The following AKT3 variants were observed in gnomAD, a reference collection of about 807,000 sequenced individuals.
AKT3 encodes the protein AKT serine/threonine kinase 3.
A neutral mutation model predicts 65.3 loss-of-function variants in AKT3; 15 were observed. The ratio of observed to expected loss-of-function variants is 0.23; its 90% CI spans 0.15 to 0.35. The LOEUF (loss-of-function observed/expected upper bound fraction) is 0.35. AKT3 is among the 10% of genes least tolerant of loss of function. The pLI, the probability that AKT3 is intolerant of heterozygous loss-of-function variation, is 1.00. For synonymous variants in AKT3, 206 were observed against 183.8 expected, an observed-to-expected ratio of 1.12 and a Z score of -0.98; for missense variants, 243 against 576.5, an observed-to-expected ratio of 0.42 and a Z score of 5.92.
chr1:243,504,987 T>C lies in AKT3; in HGVS notation c.*262A>G, dbSNP rs1669574625. The C allele has an allele frequency of 2.4e-6, 1 of 420,306 alleles. No individual in the cohort carries two copies. The highest frequency in any genetic ancestry group is 4.2e-6 in the Non-Finnish European group (1 of 237,922). 26.0% of individuals were successfully genotyped at this position (420,306 alleles called of 1,614,324 possible). On this transcript the variant is annotated 3_prime_UTR_variant, in exon 14 of 14. Transcript: ENST00000673466. ...AAGGTTGGAAAATTACTTCTTAAAG[T>C]TGCTATAATAGTAAGACAGTAGCAG...
intron 3 of AKT3, among the ~76,000 whole-genome samples, chr1:243,685,685 A>G (rs1684239778): frequency 6.6e-6 from 1 of 152,068 alleles, no homozygotes; most frequent in Non-Finnish European, 1.5e-5. Flanking sequence ...ATTCCCTTTG[A>G]AAACCAGCAC....
chr1:243,693,248 A>ATT lies in AKT3; in HGVS notation c.172+2342_172+2343insAA, dbSNP rs1293348634. ...CCCTTTGGTAGCTACAATTTGATAT[A>ATT]TATATATATATATATATATATATAT... On this transcript the variant is annotated intron_variant, in intron 3 of 13. Coordinates refer to ENST00000673466, the MANE Select transcript of AKT3 (RefSeq NM_005465.7). 1.9e-4 allele frequency among the ~76,000 whole-genome samples: 6 copies of ATT among 31,422 alleles called. 2 individuals carry two copies. Among genetic ancestry groups the ATT allele is most frequent in the East Asian group, 2.8e-3 (2 of 726 alleles). The allele number at this position is 31,422 out of a possible 152,430, so 20.6% of individuals were successfully genotyped here. A position where few individuals can be genotyped will look rare whatever the true frequency, so the allele number is the denominator to read the frequency against.
chr1:243,690,300 T>C (rs1054920187), intron 3 of AKT3, among the ~76,000 whole-genome samples: 1 of 152,196 alleles, frequency 6.6e-6, no homozygotes, highest in African/African-American at 2.4e-5. Context: ...GAGAGGTTCA[T>C]ACAAATTGTC....
At chr1:243,571,722 G>A (rs957486313) in intron 9 of AKT3, among the ~76,000 whole-genome samples, 1 of 152,134 alleles carries the variant, frequency 6.6e-6, no homozygotes, top group Non-Finnish European at 1.5e-5. Flanking sequence ...GACAGTATAG[G>A]ATTATCTGGC....
chr1:243,784,502 G>A (rs1176672801), intron 2 of AKT3, among the ~76,000 whole-genome samples: 1 of 151,368 alleles, frequency 6.6e-6, no homozygotes, highest in East Asian at 1.9e-4. Flanking sequence ...GAATAAGAAA[G>A]GAAACGACAT....
intron 2 of AKT3, among the ~76,000 whole-genome samples, chr1:243,742,934 C>T (rs1216240497): frequency 2.0e-5 from 3 of 151,808 alleles, no homozygotes; most frequent in Admixed American, 2.0e-4. Context: ...ACAACAAACA[C>T]TAGCTTATTA....
chr1:243,645,406 T>C (rs1680732030), intron 5 of AKT3, among the ~76,000 whole-genome samples: 1 of 152,200 alleles, frequency 6.6e-6, no homozygotes, highest in Non-Finnish European at 1.5e-5. Context: ...ATTTCCCTAC[T>C]GACTCAGAAG....
At chr1:243,615,188 A>C (rs1182058996) in intron 6 of AKT3, 27 bp from the exon 7 acceptor site, 4 of 1,556,914 alleles carry the variant, frequency 2.6e-6, no homozygotes, top group East Asian at 2.2e-5. Flanking sequence ...GCAAACCTTC[A>C]ATATATGTTT....
chr1:243,736,641 C>CATTCTA (rs1687857123), intron 2 of AKT3, among the ~76,000 whole-genome samples: 1 of 152,080 alleles, frequency 6.6e-6, no homozygotes, highest in Non-Finnish European at 1.5e-5. Flanking sequence ...TATTATACAG[C>CATTCTA]AATCTTAAAG....
At chr1:243,800,716 C>T (rs1323516227) in intron 2 of AKT3, among the ~76,000 whole-genome samples, 1 of 147,864 alleles carries the variant, frequency 6.8e-6, no homozygotes, top group African/African-American at 2.5e-5. Flanking sequence ...GACTCAGTCT[C>T]GAGGAAAAAA....
At chr1:243,766,494 G>C (rs1689833488) in intron 2 of AKT3, among the ~76,000 whole-genome samples, 1 of 152,186 alleles carries the variant, frequency 6.6e-6, no homozygotes, top group Admixed American at 6.6e-5. Flanking sequence ...ACCTTAGGTA[G>C]ATATTGCAGT....
chr1:243,731,479 C>T (rs1445517872), intron 2 of AKT3, among the ~76,000 whole-genome samples: 4 of 152,166 alleles, frequency 2.6e-5, no homozygotes, highest in East Asian at 1.9e-4. Context: ...GCGTCCTCTA[C>T]ACACATAGTG....
At chr1:243,805,967 C>T (rs1010155120) in intron 2 of AKT3, among the ~76,000 whole-genome samples, 2 of 152,106 alleles carry the variant, frequency 1.3e-5, no homozygotes, top group Non-Finnish European at 2.9e-5. Flanking sequence ...GGACTACTCC[C>T]AAATTTTCTG....
Position 243,501,511 on chromosome 1 carries a change from G to A in AKT3, c.*3738C>T, listed in dbSNP as rs189486611. On this transcript the variant is annotated 3_prime_UTR_variant, in exon 14 of 14. Coordinates refer to ENST00000673466, the MANE Select transcript of AKT3 (RefSeq NM_005465.7). ...ATCCATCCTAAATCCAGTGCTGAGA[G>A]GTCAGCGTTTCCCCTCAGAAGCAGC... The A allele has an allele frequency of 4.3e-6, 1 of 233,102 alleles. No homozygotes were observed. The highest frequency in any genetic ancestry group is 8.5e-6 in the Non-Finnish European group (1 of 118,038). The allele number at this position is 233,102 out of a possible 1,614,324, so 14.4% of individuals were successfully genotyped here.
intron 12 of AKT3, among the ~76,000 whole-genome samples, chr1:243,531,817 T>C (rs536155819): frequency 2.6e-5 from 4 of 152,322 alleles, no homozygotes; most frequent in East Asian, 1.9e-4. Flanking sequence ...CGGTAGTGTA[T>C]AAGTCTTGTG....
intron 8 of AKT3, among the ~76,000 whole-genome samples, chr1:243,574,293 T>C (rs1674781116): frequency 6.6e-6 from 1 of 151,446 alleles, no homozygotes; most frequent in Non-Finnish European, 1.5e-5. Context: ...AAGATAAGCT[T>C]TATGCATGAC....
intron 12 of AKT3, among the ~76,000 whole-genome samples, chr1:243,516,648 G>T (rs939680270): frequency 7.9e-5 from 12 of 151,962 alleles, no homozygotes; most frequent in Middle Eastern, 3.2e-3. Flanking sequence ...AAAACTCCTG[G>T]CCTCGAGCAA....
chr1:243,806,562 T>A (rs1390622255), intron 2 of AKT3, among the ~76,000 whole-genome samples: 1 of 152,192 alleles, frequency 6.6e-6, no homozygotes. Context: ...ATATGTGTCT[T>A]ATCTTCTTAA....
intron 2 of AKT3, among the ~76,000 whole-genome samples, chr1:243,835,256 T>C (rs1488133937): frequency 3.9e-5 from 6 of 152,128 alleles, no homozygotes; most frequent in Non-Finnish European, 1.5e-5. Context: ...CTCCAGACAT[T>C]GCCAAATGTC....
Sources: gnomAD v4.1 joint callset for allele counts (sites outside exome capture counted in the v4.1 genomes callset) on GRCh38, gnomAD v4.1.1 for gene constraint, MANE v1.5 for transcripts, NCBI Gene and HGNC (gene_info 2026-07-23, HGNC 2026-07-21) for gene names.